The following NR3C1 variants were observed in gnomAD, a reference collection of about 807,000 sequenced individuals.
NR3C1 encodes nuclear receptor subfamily 3 group C member 1.
A neutral mutation model predicts 74.0 loss-of-function variants in NR3C1; 14 were observed. That is an observed-to-expected ratio of 0.19 (90% confidence interval 0.12 to 0.30). The LOEUF (loss-of-function observed/expected upper bound fraction) is 0.30. Ranked by LOEUF, NR3C1 falls within the 10% of genes least tolerant of loss-of-function variation. NR3C1 has a pLI of 1.00. For synonymous variants in NR3C1, 308 were observed against 332.5 expected, an observed-to-expected ratio of 0.93 and a Z score of 0.80; for missense variants, 695 against 909.8, an observed-to-expected ratio of 0.76 and a Z score of 3.04.
In NR3C1 at chr5:143,280,096, CTGTT is replaced by C. The variant is rs1272402715; in HGVS notation, c.*1789_*1792del. 2.0e-5 allele frequency: 3 copies of C among 152,640 alleles called. No homozygotes were observed. Among genetic ancestry groups the C allele is most frequent in the East Asian group, 1.9e-4 (1 of 5,202 alleles). The allele number at this position is 152,640 out of a possible 1,614,324, so 9.5% of individuals were successfully genotyped here. A position where few individuals can be genotyped will look rare whatever the true frequency, so the allele number is the denominator to read the frequency against. Reference sequence around the variant, plus strand: ...CATCTCCCTCTTCCCCTAGAGCAAACTGTTTGGTTTCTGAGACCATCGCTGCCTG... The same window carrying C: ...CATCTCCCTCTTCCCCTAGAGCAAACTGGTTTCTGAGACCATCGCTGCCTG... On this transcript the variant is annotated 3_prime_UTR_variant, in exon 9 of 9. Transcript: ENST00000394464.
At chr5:143,425,430 G>T (rs1751478773) in intron 1 of NR3C1, among the ~76,000 whole-genome samples, 1 of 152,064 alleles carries the variant, frequency 6.6e-6, no homozygotes, top group African/African-American at 2.4e-5. Context: ...CCACAGAATG[G>T]TTGAAATTGT....
chr5:143,380,230 G>C (rs187264751), intron 2 of NR3C1, among the ~76,000 whole-genome samples: 331 of 152,278 alleles, frequency 2.2e-3, no homozygotes, highest in Non-Finnish European at 3.4e-3. Flanking sequence ...ACTTAAATTT[G>C]CAAAGTAAGA....
intron 2 of NR3C1, among the ~76,000 whole-genome samples, chr5:143,346,762 T>C (rs1340094267): frequency 2.0e-5 from 3 of 152,256 alleles, no homozygotes; most frequent in African/African-American, 7.2e-5. Flanking sequence ...AATGTCTTTT[T>C]ACACATTAGC....
intron 2 of NR3C1, among the ~76,000 whole-genome samples, chr5:143,357,195 T>C (rs1831300630): frequency 6.6e-6 from 1 of 152,216 alleles, no homozygotes; most frequent in Admixed American, 6.5e-5. Context: ...GAAAGCAAGT[T>C]TGTCAACATG....
chr5:143,370,861 C>T (rs1834113949), intron 2 of NR3C1, among the ~76,000 whole-genome samples: 1 of 152,116 alleles, frequency 6.6e-6, no homozygotes, highest in South Asian at 2.1e-4. Context: ...TATCAGGAAC[C>T]TATAAGTGGT....
intron 2 of NR3C1, among the ~76,000 whole-genome samples, chr5:143,387,721 A>G (rs183734061): frequency 6.6e-6 from 1 of 152,320 alleles, no homozygotes; most frequent in African/African-American, 2.4e-5. Flanking sequence ...TATAACTCTT[A>G]GTAGAAGAGA....
At chr5:143,378,877 G>C (rs947843685) in intron 2 of NR3C1, among the ~76,000 whole-genome samples, 1 of 152,000 alleles carries the variant, frequency 6.6e-6, no homozygotes, top group Non-Finnish European at 1.5e-5. Flanking sequence ...CTGATTTATA[G>C]GAGTGATAAT....
intron 2 of NR3C1, among the ~76,000 whole-genome samples, chr5:143,358,756 C>T (rs916262659): frequency 2.0e-5 from 3 of 151,970 alleles, no homozygotes; most frequent in African/African-American, 7.3e-5. Flanking sequence ...CAAAATTAGC[C>T]GGGCATGGTG....
intron 1 of NR3C1, among the ~76,000 whole-genome samples, chr5:143,401,613 C>T (rs1343174922): frequency 6.6e-6 from 1 of 152,168 alleles, no homozygotes. Context: ...TTTCTCACTA[C>T]GTTGTTAGCT....
intron 2 of NR3C1, among the ~76,000 whole-genome samples, chr5:143,338,185 G>C (rs1827517872): frequency 6.6e-6 from 1 of 152,112 alleles, no homozygotes; most frequent in Non-Finnish European, 1.5e-5. Flanking sequence ...GGTGATGCTG[G>C]TATAAACAAA....
Position 143,400,217 on chromosome 5 carries a change from G to T in NR3C1, c.623C>A (p.Thr208Lys), listed in dbSNP as rs748311337. 6.2e-7 allele frequency: 1 copy of T among 1,606,746 alleles called. No homozygotes were observed. The highest frequency in any genetic ancestry group is 2.2e-5 in the East Asian group (1 of 44,848). ...GTCTGATCTCCAAGGACTCTCATTC[G>T]TCTCTTTACCTGGGGACCCAGAAGA... ...EFSSGSPGKE[T>K]NESPWRSDLL... is the part of the protein sequence containing the mutation. Residue 208 changes from threonine (T) to lysine (K), a missense_variant, in exon 2 of 9, where the codon ACG becomes AAG. Thr to Lys is a moderately conservative substitution (Grantham distance 78). Around this residue, in one of 4 missense-constraint regions of NR3C1, gnomAD observed 497 missense variants for 489.5 expected, o/e 1.02. Coordinates refer to ENST00000394464, the MANE Select transcript of NR3C1 (RefSeq NM_000176.3).
intron 2 of NR3C1, among the ~76,000 whole-genome samples, chr5:143,363,699 T>C (rs1413213203): frequency 6.6e-6 from 1 of 151,960 alleles, no homozygotes; most frequent in African/African-American, 2.4e-5. Flanking sequence ...AATATAAAGA[T>C]AGCAATGATA....
chr5:143,392,122 T>G (rs546755777), intron 2 of NR3C1, among the ~76,000 whole-genome samples: 1 of 152,042 alleles, frequency 6.6e-6, no homozygotes, highest in Non-Finnish European at 1.5e-5. Flanking sequence ...CCAGCCACCA[T>G]GCCCGGCTAA....
chr5:143,296,200 TA>T (rs779979121), intron 6 of NR3C1, among the ~76,000 whole-genome samples: 19 of 152,154 alleles, frequency 1.2e-4, no homozygotes, highest in Non-Finnish European at 2.2e-4. Flanking sequence ...AATAGGTCTC[TA>T]AAGTTTCCTG....
intron 2 of NR3C1, among the ~76,000 whole-genome samples, chr5:143,386,158 C>T (rs749587737): frequency 6.6e-6 from 1 of 152,170 alleles, no homozygotes; most frequent in Non-Finnish European, 1.5e-5. Context: ...GCAACCAGAT[C>T]TCATGAGAAC....
intron 2 of NR3C1, among the ~76,000 whole-genome samples, chr5:143,352,505 GT>G (rs991832275): frequency 1.1e-4 from 17 of 151,610 alleles, no homozygotes; most frequent in Middle Eastern, 6.8e-3. Flanking sequence ...CATATTCTAC[GT>G]TTTTTTTATA....
chr5:143,353,276 A>G (rs760293316), intron 2 of NR3C1, among the ~76,000 whole-genome samples: 18 of 152,068 alleles, frequency 1.2e-4, no homozygotes, highest in Non-Finnish European at 2.2e-4. Context: ...GAAGTGTTGA[A>G]CCCCTCAAAT....
chr5:143,403,185 C>T, intron 1 of NR3C1, 26 bp downstream of exon 1: 1 of 984,940 alleles, frequency 1.0e-6, no homozygotes, highest in Non-Finnish European at 1.2e-6. Flanking sequence ...GAGCGCGCCC[C>T]GGCCCCCTCC....
intron 2 of NR3C1, among the ~76,000 whole-genome samples, chr5:143,350,613 G>A (rs1175451026): frequency 2.6e-5 from 4 of 152,138 alleles, no homozygotes; most frequent in Non-Finnish European, 5.9e-5. Flanking sequence ...TGGGTCAGGA[G>A]GCAAAGAGAT....
Sources: allele counts gnomAD v4.1 joint callset (sites outside exome capture counted in the v4.1 genomes callset), GRCh38; gene constraint gnomAD v4.1.1; regional missense constraint gnomAD v4.1.1; transcripts MANE v1.5; gene names NCBI Gene and HGNC (gene_info 2026-07-23, HGNC 2026-07-21).